NRG1: variants seen among roughly 807,000 people sequenced by gnomAD.
NRG1 encodes pro-neuregulin-1, membrane-bound isoform.
In NRG1, 18 loss-of-function variants were observed where a neutral mutation model predicts 63.8. That is an observed-to-expected ratio of 0.28 (90% CI 0.19 to 0.42). The LOEUF is 0.42. Among genes scored for constraint, NRG1 ranks in the 10% least tolerant of loss-of-function variants. NRG1 has a pLI of 1.00. For synonymous variants in NRG1, 302 were observed against 301.3 expected (o/e 1.00, Z -0.02); for missense variants, 762 against 814.7 (o/e 0.94, Z 0.79).
At chr8:32,126,040 C>T (rs1834030903) in intron 1 of NRG1, among the ~76,000 whole-genome samples, 1 of 151,794 alleles carries the variant, frequency 6.6e-6, no homozygotes, top group African/African-American at 2.4e-5. Flanking sequence ...CACATGCATG[C>T]CTTCACTGGA....
At chr8:32,757,829 A>G (rs1156369089) in intron 9 of NRG1, among the ~76,000 whole-genome samples, 1 of 152,240 alleles carries the variant, frequency 6.6e-6, no homozygotes, top group Non-Finnish European at 1.5e-5. Context: ...GGTAATTTGC[A>G]TAAAACACTT....
chr8:32,119,732 A>G (rs1049917121), intron 1 of NRG1, among the ~76,000 whole-genome samples: 2 of 152,028 alleles, frequency 1.3e-5, no homozygotes, highest in African/African-American at 4.8e-5. Flanking sequence ...GGAAGGCCAT[A>G]TGTCAAAATG....
intron 1 of NRG1, among the ~76,000 whole-genome samples, chr8:32,101,032 CTT>C (rs5890623): frequency 6.6e-6 from 1 of 152,014 alleles, no homozygotes; most frequent in South Asian, 2.1e-4. Context: ...TCCCATATTG[CTT>C]TTTTTTTCCT....
At chr8:32,387,918 A>C (rs1310139010) in intron 1 of NRG1, among the ~76,000 whole-genome samples, 1 of 152,160 alleles carries the variant, frequency 6.6e-6, no homozygotes, top group African/African-American at 2.4e-5. Flanking sequence ...TGTTACATGG[A>C]TATCAATTGA....
At chr8:32,117,918 T>A (rs1250458124) in intron 1 of NRG1, among the ~76,000 whole-genome samples, 2 of 152,142 alleles carry the variant, frequency 1.3e-5, no homozygotes, top group Non-Finnish European at 2.9e-5. Flanking sequence ...TTCCTTGGGA[T>A]CAATCATTAG....
intron 5 of NRG1, among the ~76,000 whole-genome samples, chr8:32,675,793 A>G (rs182166477): frequency 3.3e-5 from 5 of 152,220 alleles, no homozygotes; most frequent in Admixed American, 3.3e-4. Context: ...GCTTTTAATC[A>G]TCAATAAAAT....
intron 1 of NRG1, among the ~76,000 whole-genome samples, chr8:32,528,345 G>A (rs1345045342): frequency 6.6e-6 from 1 of 152,170 alleles, no homozygotes; most frequent in African/African-American, 2.4e-5. Flanking sequence ...ACAAAGCCCA[G>A]TATGCAAGTT....
intron 1 of NRG1, among the ~76,000 whole-genome samples, chr8:32,065,761 C>A (rs367921060): frequency 4.6e-5 from 7 of 151,976 alleles, no homozygotes; most frequent in Admixed American, 3.3e-4. Context: ...GAATCGCCAC[C>A]CTGACTTCCA....
chr8:31,669,151 G>A (rs1212287810), intron 1 of NRG1, among the ~76,000 whole-genome samples: 1 of 152,014 alleles, frequency 6.6e-6, no homozygotes. Context: ...GACCTTCTGG[G>A]CACAAGCGAT....
At chr8:32,132,402 T>C (rs1834947527) in intron 1 of NRG1, among the ~76,000 whole-genome samples, 1 of 152,042 alleles carries the variant, frequency 6.6e-6, no homozygotes, top group Non-Finnish European at 1.5e-5. Flanking sequence ...AGGTGTGAGA[T>C]TGACATATGA....
chr8:31,708,804 T>G (rs956675000), intron 1 of NRG1, among the ~76,000 whole-genome samples: 1 of 152,162 alleles, frequency 6.6e-6, no homozygotes, highest in African/African-American at 2.4e-5. Flanking sequence ...AAGCCCTTTA[T>G]TACCATGACT....
rs140331915 is a variant in NRG1 at position 31,662,005 on chromosome 8, A to G, written c.37+22574A>G. Among the ~76,000 whole-genome samples the G allele has an allele frequency of 3.9e-5, 6 of 152,348 alleles. No homozygotes were observed. The East Asian group carries it at 9.6e-4, about 24-fold the overall frequency. On this transcript the variant is annotated intron_variant, in intron 1 of 10. Transcript: ENST00000519301. ...TTCTGAAATGAAAATGAAAAGAGTC[A>G]TTTAAGGATTTAATCTGAGTTCTAG... is the stretch of plus-strand genomic sequence containing the variant.
chr8:32,125,707 C>T (rs770760629), intron 1 of NRG1, among the ~76,000 whole-genome samples: 1 of 151,870 alleles, frequency 6.6e-6, no homozygotes, highest in Non-Finnish European at 1.5e-5. Flanking sequence ...TCCATCACTA[C>T]CTCTTGTTTC....
chr8:32,447,319 G>A (rs1319295765), intron 1 of NRG1, among the ~76,000 whole-genome samples: 8 of 151,916 alleles, frequency 5.3e-5, no homozygotes, highest in African/African-American at 2.4e-5. Flanking sequence ...CACCTTGCTT[G>A]GCCCTAAAAT....
intron 1 of NRG1, among the ~76,000 whole-genome samples, chr8:31,884,897 A>G (rs1357647877): frequency 6.6e-6 from 1 of 152,212 alleles, no homozygotes; most frequent in Non-Finnish European, 1.5e-5. Context: ...GAAAGGAAAT[A>G]CTGTATAAAA....
chr8:32,151,149 G>A (rs1837460422), intron 1 of NRG1, among the ~76,000 whole-genome samples: 1 of 152,118 alleles, frequency 6.6e-6, no homozygotes, highest in Non-Finnish European at 1.5e-5. Context: ...AGGGGCACCG[G>A]ATTCATGTAC....
chr8:32,063,508 A>T (rs1824228518), intron 1 of NRG1: 1 of 152,132 alleles, frequency 6.6e-6, no homozygotes, highest in Non-Finnish European at 1.5e-5. Context: ...ATAGATGTAA[A>T]ATTGAGACTA....
chr8:32,206,786 C>T (rs1844111263), intron 1 of NRG1, among the ~76,000 whole-genome samples: 1 of 152,186 alleles, frequency 6.6e-6, no homozygotes, highest in South Asian at 2.1e-4. Flanking sequence ...ATCCCTTTCC[C>T]ACAACCTCCA....
intron 1 of NRG1, among the ~76,000 whole-genome samples, chr8:32,164,293 A>G (rs1298392486): frequency 1.3e-5 from 2 of 151,778 alleles, no homozygotes; most frequent in African/African-American, 4.8e-5. Flanking sequence ...ATCTGTCTTC[A>G]GTATCTATCT....
Sources: allele counts gnomAD v4.1 joint callset (sites outside exome capture counted in the v4.1 genomes callset), GRCh38; gene constraint gnomAD v4.1.1; transcripts MANE v1.5; gene names NCBI Gene and HGNC (gene_info 2026-07-23, HGNC 2026-07-21).